Variants in OPCML observed in about 807,000 individuals in gnomAD.
The protein encoded by OPCML is opioid-binding protein/cell adhesion molecule.
In OPCML, 13 loss-of-function variants were observed where a neutral mutation model predicts 37.8. The ratio of observed to expected loss-of-function variants is 0.34; its 90% CI spans 0.22 to 0.55. The LOEUF (loss-of-function observed/expected upper bound fraction) is 0.55. OPCML is among the 20% of genes least tolerant of loss of function. The pLI is 0.91. For missense variants in OPCML, 341 were observed against 435.6 expected, an observed-to-expected ratio of 0.78 and a Z score of 1.93; for synonymous variants, 176 against 168.8, an observed-to-expected ratio of 1.04 and a Z score of -0.33.
At chr11:132,835,038 G>A (rs1940930927) in intron 2 of OPCML, among the ~76,000 whole-genome samples, 4 of 150,970 alleles carry the variant, frequency 2.6e-5, no homozygotes, top group Admixed American at 2.6e-4. Flanking sequence ...GCTTGCCAGA[G>A]CCAGGACTTC....
intron 1 of OPCML, among the ~76,000 whole-genome samples, chr11:132,945,516 G>A (rs566998679): frequency 4.6e-5 from 7 of 151,812 alleles, no homozygotes; most frequent in South Asian, 4.1e-4. Context: ...GTCAGTGAGC[G>A]GGTGGGGAAT....
intron 1 of OPCML, among the ~76,000 whole-genome samples, chr11:133,239,858 G>T (rs534035314): frequency 2.0e-5 from 3 of 152,168 alleles, no homozygotes; most frequent in Non-Finnish European, 4.4e-5. Flanking sequence ...CCAGGTAGGG[G>T]CTGGGTGTGT....
intron 1 of OPCML, among the ~76,000 whole-genome samples, chr11:133,419,845 C>T (rs980426106): frequency 1.3e-5 from 2 of 152,190 alleles, no homozygotes; most frequent in African/African-American, 4.8e-5. Context: ...TTTGACTATT[C>T]AAAACCTATT....
intron 1 of OPCML, among the ~76,000 whole-genome samples, chr11:133,447,576 G>A (rs1946497905): frequency 6.6e-6 from 1 of 152,148 alleles, no homozygotes; most frequent in Non-Finnish European, 1.5e-5. Flanking sequence ...TTATGTCCAT[G>A]AGTACCTAAT....
chr11:132,498,893 C>T (rs2096239603), intron 4 of OPCML, among the ~76,000 whole-genome samples: 1 of 151,194 alleles, frequency 6.6e-6, no homozygotes. Context: ...AATGTGGTTG[C>T]TCCAAATCTC....
At chr11:133,415,205 T>C (rs1388708037) in intron 1 of OPCML, among the ~76,000 whole-genome samples, 2 of 151,958 alleles carry the variant, frequency 1.3e-5, no homozygotes, top group Non-Finnish European at 2.9e-5. Flanking sequence ...GTCAGGAGAT[T>C]GAGACCATCC....
At chr11:132,436,524 T>A (rs1036398848) in intron 6 of OPCML, 135 bp downstream of exon 6, 1 of 1,454,446 alleles carries the variant, frequency 6.9e-7, no homozygotes, top group African/African-American at 1.4e-5. Context: ...AAAAATAGAC[T>A]TTGTTACAAA....
At chr11:132,529,848 T>C (rs2508971) in intron 3 of OPCML, among the ~76,000 whole-genome samples, 115,151 of 152,132 alleles carry the variant, frequency 0.76, 44,895 homozygotes, top group Middle Eastern at 0.87. Context: ...GTCCTTACTG[T>C]TACTGTAACC....
At chr11:132,493,574 A>G (rs992133020) in intron 4 of OPCML, among the ~76,000 whole-genome samples, 6 of 152,140 alleles carry the variant, frequency 3.9e-5, no homozygotes, top group African/African-American at 1.2e-4. Flanking sequence ...TGTGTCTGCT[A>G]TCAGCTTTCT....
intron 1 of OPCML, among the ~76,000 whole-genome samples, chr11:133,236,175 T>G (rs553389002): frequency 2.6e-5 from 4 of 152,246 alleles, no homozygotes; most frequent in African/African-American, 9.6e-5. Flanking sequence ...AAGGGTGGCT[T>G]GAACACATGC....
chr11:132,893,370 C>T (rs373940282), intron 2 of OPCML, among the ~76,000 whole-genome samples: 21 of 152,194 alleles, frequency 1.4e-4, no homozygotes, highest in Admixed American at 9.8e-4. Context: ...GTGCAGTTAC[C>T]GCCCCTGCCC....
intron 4 of OPCML, among the ~76,000 whole-genome samples, chr11:132,445,418 C>T (rs1362637456): frequency 6.6e-6 from 1 of 152,178 alleles, no homozygotes; most frequent in East Asian, 1.9e-4. Context: ...GAGAAACTCT[C>T]ATACACTGGG....
At chr11:133,189,022 A>C (rs1457557706) in intron 1 of OPCML, among the ~76,000 whole-genome samples, 2 of 151,680 alleles carry the variant, frequency 1.3e-5, no homozygotes, top group African/African-American at 4.8e-5. Context: ...GTCCCCTGCC[A>C]CTCCCCACTC....
chr11:133,148,782 A>G (rs76978154), intron 1 of OPCML, among the ~76,000 whole-genome samples: 5,974 of 152,114 alleles, frequency 0.039, 385 homozygotes, highest in African/African-American at 0.13. Context: ...GAGAGACCCA[A>G]CTCAGATTCT....
At chr11:132,708,636 C>G (rs1300791217) in intron 2 of OPCML, among the ~76,000 whole-genome samples, 1 of 152,182 alleles carries the variant, frequency 6.6e-6, no homozygotes, top group Non-Finnish European at 1.5e-5. Flanking sequence ...AAGTGATTTA[C>G]TCAGACTCTG....
At chr11:133,109,935 C>T (rs544121706) in intron 1 of OPCML, among the ~76,000 whole-genome samples, 4 of 152,206 alleles carry the variant, frequency 2.6e-5, no homozygotes, top group African/African-American at 4.8e-5. Flanking sequence ...CAGGAAGCCT[C>T]AAGCCCAGCA....
rs573699094 is a variant in OPCML, at chr11:132,431,212, T to C, written c.916+4874A>G. Among the ~76,000 whole-genome samples the C allele has an allele frequency of 4.6e-5, 7 of 152,366 alleles. No individual in the cohort carries two copies. The East Asian group carries it at 1.4e-3, about 29-fold the overall frequency. Reference sequence around the variant, plus strand: ...TGGTTGATAGCTTTTGGAGACCTGTTCCTTGCCTTTTGTTCCCATTGTTTC... The same window carrying C: ...TGGTTGATAGCTTTTGGAGACCTGTCCCTTGCCTTTTGTTCCCATTGTTTC... On this transcript the variant is annotated intron_variant, in intron 7 of 7. Transcript: ENST00000524381.
chr11:133,416,763 C>A lies in OPCML; in HGVS notation c.61+115501G>T, dbSNP rs143819444. Among the ~76,000 whole-genome samples, 3 of 152,236 alleles carry A rather than the reference C, an allele frequency of 2.0e-5. No homozygotes were observed. In the East Asian group the frequency reaches 5.8e-4, roughly 29 times the overall value. On this transcript the variant is annotated intron_variant, in intron 1 of 7. Coordinates refer to ENST00000524381, the MANE Select transcript of OPCML (RefSeq NM_001012393.5). The stretch of plus-strand genomic sequence containing the variant: ...GAACTCCTAAAACCCTTGGATTATC[C>A]TGAAGGATCAGAGAGTGCCTTTTGT...
chr11:132,853,832 A>G (rs1941924373), intron 2 of OPCML, among the ~76,000 whole-genome samples: 2 of 152,290 alleles, frequency 1.3e-5, no homozygotes, highest in Middle Eastern at 3.4e-3. Flanking sequence ...TTTCTTTCAC[A>G]TTCAAGACTT....
Sources: gnomAD v4.1 joint callset for allele counts (sites outside exome capture counted in the v4.1 genomes callset) on GRCh38, gnomAD v4.1.1 for gene constraint, MANE v1.5 for transcripts, NCBI Gene and HGNC (gene_info 2026-07-23, HGNC 2026-07-21) for gene names.